The following LBP variants were observed in gnomAD, a reference collection of about 807,000 sequenced individuals.
LBP encodes the protein lipopolysaccharide binding protein.
Under a neutral mutation model 56.6 loss-of-function variants are expected in LBP, and 53 were observed. The ratio of observed to expected loss-of-function variants is 0.94; its 90% CI spans 0.75 to 1.18. LBP has a LOEUF of 1.18. Among genes scored for constraint, LBP ranks in the 50% most tolerant of loss-of-function variants. LBP has a pLI of 0.00. For missense variants in LBP, 601 were observed against 598.3 expected (o/e 1.00, Z -0.05); for synonymous variants, 227 against 247.5 (o/e 0.92, Z 0.78).
chr20:38,359,093 A>T (rs1030157946), intron 5 of LBP, among the ~76,000 whole-genome samples: 7 of 152,134 alleles, frequency 4.6e-5, no homozygotes, highest in Non-Finnish European at 1.0e-4. Context: ...ATTTAAAGAC[A>T]TTTGCAAAGC....
In LBP at chr20:38,370,782, C is replaced by G. The variant is rs2076898162; in HGVS notation, c.1194C>G (p.Ile398Met). 1 of 1,613,978 alleles carries G rather than the reference C, an allele frequency of 6.2e-7. No homozygotes were observed. The highest frequency in any genetic ancestry group is 1.3e-5 in the African/African-American group (1 of 74,918). ...SATLTFNTSK[I>M]TGFLKPGKVK... ...CCTTGACCTTCAATACCAGCAAGATCACTGGGTTCCTGAAGCCAGGAAAGT... is the reference window on the plus strand; with the variant it reads ...CCTTGACCTTCAATACCAGCAAGATGACTGGGTTCCTGAAGCCAGGAAAGT... Residue 398 changes from isoleucine to methionine, a missense_variant, in exon 11 of 15, where the codon ATC becomes ATG. Coordinates refer to ENST00000217407, the MANE Select transcript of LBP (RefSeq NM_004139.5).
At position 38,346,590 on chromosome 20, in the gene LBP, G is replaced by A; in HGVS notation, c.74G>A (p.Gly25Asp). The change falls in exon 1 of 15, where the codon GGT (glycine) becomes GAT (aspartate). Residue 25 changes from glycine (G) to aspartate (D), a missense_variant. Transcript: ENST00000217407. ...CTTACGTCCACCCCAGAGGCTCTGG[G>A]TGCCAACCCCGGCTTGGTCGCCAGG... The part of the protein sequence containing the change: ...LLLTSTPEAL[G>D]ANPGLVARIT... The A allele has an allele frequency of 6.2e-7, 1 of 1,613,794 alleles. No homozygotes were observed. Among genetic ancestry groups the A allele is most frequent in the Non-Finnish European group, 8.5e-7 (1 of 1,180,012 alleles).
intron 6 of LBP, among the ~76,000 whole-genome samples, chr20:38,362,672 G>T (rs1166075567): frequency 6.6e-6 from 1 of 151,868 alleles, no homozygotes; most frequent in East Asian, 1.9e-4. Flanking sequence ...GTCAGGTCAG[G>T]CTTGGTGGTG....
rs1307134854 is a variant in LBP at position 38,364,118 on chromosome 20, C to T, written c.744+52C>T. 4 of 1,291,014 alleles carry T rather than the reference C, an allele frequency of 3.1e-6. No individual in the cohort carries two copies. In the East Asian group the frequency reaches 9.3e-5, roughly 30 times the overall value. The allele number at this position is 1,291,014 out of a possible 1,614,324, so 80.0% of individuals were successfully genotyped here. A position where few individuals can be genotyped will look rare whatever the true frequency, so the allele number is the denominator to read the frequency against. ...GGGTGAGGCTTTCCCTCAGGGTCAG[C>T]CATTCTTTGGGCCACCTGTCCCCCC... On this transcript the variant is annotated intron_variant, in intron 7 of 14. Coordinates refer to ENST00000217407, the MANE Select transcript of LBP (RefSeq NM_004139.5).
intron 10 of LBP, among the ~76,000 whole-genome samples, chr20:38,369,478 G>A (rs754328121): frequency 6.6e-6 from 1 of 151,624 alleles, no homozygotes; most frequent in Non-Finnish European, 1.5e-5. Flanking sequence ...GGGGAGAAAG[G>A]TATACTGGTG....
At chr20:38,354,489 G>A (rs374286493) in intron 4 of LBP, 50 bp downstream of exon 4, 15 of 1,546,866 alleles carry the variant, frequency 9.7e-6, no homozygotes, top group Admixed American at 1.8e-5. Flanking sequence ...TGCAGCTCCC[G>A]GCCAATCCAG....
intron 2 of LBP, among the ~76,000 whole-genome samples, chr20:38,350,512 A>G (rs563303154): frequency 6.6e-6 from 1 of 152,160 alleles, no homozygotes; most frequent in African/African-American, 2.4e-5. Context: ...CATTAGATTC[A>G]TGGGTTCTGA....
Position 38,369,111 on chromosome 20 carries a change from C to T in LBP, c.1098C>T (p.Ala366=). ...TGGACCCCTATATGGAGATAGATGCCTTTGTGCTCCTGCCCAGCTCCAGCA... is the reference window on the plus strand; with the variant it reads ...TGGACCCCTATATGGAGATAGATGCTTTTGTGCTCCTGCCCAGCTCCAGCA... The part of the protein sequence containing the change: ...LSVDPYMEID[A]FVLLPSSSKE... Residue 366 remains alanine, a synonymous_variant, in exon 10 of 15, where the codon GCC becomes GCT. Transcript: ENST00000217407. The T allele has an allele frequency of 1.2e-6, 2 of 1,614,168 alleles. No homozygotes were observed. Among genetic ancestry groups the T allele is most frequent in the South Asian group, 1.1e-5 (1 of 91,084 alleles).
chr20:38,364,898 T>G, intron 8 of LBP, 146 bp downstream of exon 8: 1 of 795,394 alleles, frequency 1.3e-6, no homozygotes. Context: ...GTTAGCACAA[T>G]CTCCCTTTTT....
chr20:38,354,965 T>C (rs2076833425), intron 4 of LBP, among the ~76,000 whole-genome samples: 1 of 152,122 alleles, frequency 6.6e-6, no homozygotes, highest in Non-Finnish European at 1.5e-5. Context: ...GCCTGTAGTC[T>C]CAGCTACTTC....
rs771558622 is a variant in LBP at position 38,376,659 on chromosome 20, T to G, written c.1436T>G (p.Met479Arg). ...FLFLGANVQY[M>R]RV The stretch of plus-strand genomic sequence containing the variant: ...TTCTTGGGTGCCAATGTCCAATACA[T>G]GAGAGTTTGAGGACAAGAAAGATGA... Residue 479 changes from methionine to arginine, a missense_variant, in exon 15 of 15, where the codon ATG (methionine) becomes AGG (arginine). Coordinates refer to ENST00000217407, the MANE Select transcript of LBP (RefSeq NM_004139.5). 53 of 1,613,320 alleles carry G rather than the reference T, an allele frequency of 3.3e-5. No individual in the cohort carries two copies. The Admixed American group carries it at 6.8e-4, about 21-fold the overall frequency.
intron 1 of LBP, among the ~76,000 whole-genome samples, chr20:38,347,040 A>G (rs2122589937): frequency 6.6e-6 from 1 of 152,186 alleles, no homozygotes; most frequent in East Asian, 1.9e-4. Flanking sequence ...TTGGAAACAC[A>G]TGCCTCTGAA....
intron 14 of LBP, among the ~76,000 whole-genome samples, chr20:38,376,243 T>A (rs1487088864): frequency 2.0e-5 from 3 of 152,330 alleles, no homozygotes; most frequent in East Asian, 3.8e-4. Context: ...GGGAAAGAAC[T>A]GAACTTGGCC....
At chr20:38,356,557 CTCTT>C (rs1323428700) in intron 5 of LBP, among the ~76,000 whole-genome samples, 1 of 152,072 alleles carries the variant, frequency 6.6e-6, no homozygotes, top group Non-Finnish European at 1.5e-5. Flanking sequence ...GCCAGCTGTG[CTCTT>C]TCTTTTCTGG....
intron 9 of LBP, 113 bp downstream of exon 9, chr20:38,366,941 G>A: frequency 1.0e-6 from 1 of 971,218 alleles, no homozygotes; most frequent in African/African-American, 1.6e-5. Context: ...AGGCCGGGAT[G>A]AGACTCCCAC....
rs766052997 is a variant in LBP, at chr20:38,374,026, A to T, written c.1401+13A>T. 13 of 1,613,132 alleles carry T rather than the reference A, an allele frequency of 8.1e-6. No individual in the cohort carries two copies. Among genetic ancestry groups the T allele is most frequent in the Non-Finnish European group, 1.1e-5 (13 of 1,179,324 alleles). On this transcript the variant is annotated intron_variant, in intron 14 of 14. Coordinates refer to ENST00000217407, the MANE Select transcript of LBP (RefSeq NM_004139.5). The stretch of plus-strand genomic sequence containing the variant: ...GCAGATCCATAAGGTCGGTGGGTTC[A>T]GGGGGGCTCTGAGGATGTGTGAGGG...
At chr20:38,352,375 T>C (rs1239311275) in intron 3 of LBP, among the ~76,000 whole-genome samples, 2 of 152,188 alleles carry the variant, frequency 1.3e-5, no homozygotes, top group African/African-American at 4.8e-5. Flanking sequence ...ACTGAGTACT[T>C]GAAAAGTGCC....
At chr20:38,364,170 A>C in intron 7 of LBP, 104 bp downstream of exon 7, 2 of 770,656 alleles carry the variant, frequency 2.6e-6, no homozygotes, top group Non-Finnish European at 4.4e-6. Context: ...TCATCCTCCC[A>C]GTGGTTCCCG....
chr20:38,370,914 C>T (rs1249541665), intron 11 of LBP, 109 bp downstream of exon 11: 2 of 916,152 alleles, frequency 2.2e-6, no homozygotes, highest in Non-Finnish European at 3.6e-6. Context: ...GGAAAGGACA[C>T]TTACATTTCA....
Sources: gnomAD v4.1 joint callset for allele counts (sites outside exome capture counted in the v4.1 genomes callset) on GRCh38, gnomAD v4.1.1 for gene constraint, MANE v1.5 for transcripts, NCBI Gene and HGNC (gene_info 2026-07-23, HGNC 2026-07-21) for gene names.